C19orf25: variants seen among roughly 807,000 people sequenced by gnomAD.
C19orf25 encodes the protein UPF0449 protein C19orf25.
Under a neutral mutation model 3.1 loss-of-function variants are expected in C19orf25, and 1 was observed. That is an observed-to-expected ratio of 0.32 (90% CI 0.12 to 1.54). C19orf25 has a LOEUF of 1.54. Among genes scored for constraint, C19orf25 ranks in the 40% most tolerant of loss-of-function variants. C19orf25 has a pLI of 0.38. For synonymous variants in C19orf25, 91 were observed against 74.3 expected, an observed-to-expected ratio of 1.23 and a Z score of -1.16; for missense variants, 196 against 160.4, an observed-to-expected ratio of 1.22 and a Z score of -1.20.
chr19:1,475,296 AC>A (rs755617105), intron 2 of C19orf25, 38 bp from the exon 3 acceptor site: 2 of 1,508,664 alleles, frequency 1.3e-6, no homozygotes, highest in African/African-American at 1.4e-5. Flanking sequence ...CCTGCTGACC[AC>A]CCCATCCTCC....
chr19:1,478,060 C>T (rs1319516754), intron 2 of C19orf25, among the ~76,000 whole-genome samples: 1 of 151,642 alleles, frequency 6.6e-6, no homozygotes, highest in Non-Finnish European at 1.5e-5. Context: ...GGCTGGTGTC[C>T]AACCTCTGAC....
chr19:1,475,897 C>T (rs894751117), intron 2 of C19orf25: 8 of 290,354 alleles, frequency 2.8e-5, no homozygotes, highest in East Asian at 1.1e-4. Context: ...CTGCAAAAGC[C>T]GTGGCACCCA....
Position 1,475,108 on chromosome 19 carries a change from C to A in C19orf25, c.281G>T (p.Gly94Val). The A allele has an allele frequency of 6.2e-7, 1 of 1,604,948 alleles. No homozygotes were observed. Among genetic ancestry groups the A allele is most frequent in the Non-Finnish European group, 8.5e-7 (1 of 1,176,784 alleles). The change falls in exon 3 of 3, where the codon GGC becomes GTC. Residue 94 changes from glycine to valine, a missense_variant. Transcript: ENST00000585675. ...GGCCACCTCCCGCTCCAGGTCCTCGCCGGCTCGCTGCAGGAGCTCACACCT... is the reference window on the plus strand; with the variant it reads ...GGCCACCTCCCGCTCCAGGTCCTCGACGGCTCGCTGCAGGAGCTCACACCT... Reference protein sequence around the residue: ...RQRCELLQRAGEDLEREVAQM... With the variant: ...RQRCELLQRAVEDLEREVAQM...
In C19orf25 at chr19:1,478,781, G is replaced by C. The variant is rs778962714; in HGVS notation, c.123C>G (p.Ala41=). 6.3e-7 allele frequency: 1 copy of C among 1,574,906 alleles called. No homozygotes were observed. The highest frequency in any genetic ancestry group is 8.6e-7 in the Non-Finnish European group (1 of 1,160,964). Residue 41 remains alanine, a synonymous_variant, in exon 2 of 3, where the codon GCC becomes GCG. Coordinates refer to ENST00000585675, the MANE Select transcript of C19orf25 (RefSeq NM_152482.3). ...GGACCGGGCTCCCCCTACCTTCCGG[G>C]GCCAGGATGGTGAACACTGGATCCT... ...PAEDPVFTIL[A]PEDPPVPFRM...
At chr19:1,479,027 C>CCT in intron 1 of C19orf25, 122 bp from the exon 2 acceptor site, 1 of 1,401,222 alleles carries the variant, frequency 7.1e-7, no homozygotes, top group Non-Finnish European at 9.3e-7. Flanking sequence ...GAAGCCCGCC[C>CCT]TGTCCCGCCC....
intron 2 of C19orf25, chr19:1,475,705 A>C: frequency 5.8e-6 from 1 of 173,232 alleles, no homozygotes; most frequent in Non-Finnish European, 1.2e-5. Flanking sequence ...AAATAAAAAC[A>C]AAAATCAAGT....
chr19:1,476,070 C>T (rs924739003), intron 2 of C19orf25: 3 of 397,440 alleles, frequency 7.5e-6, no homozygotes, highest in East Asian at 3.6e-5. Context: ...TGGGCATTGA[C>T]GTCCTGGTGA....
At chr19:1,476,058 G>A in intron 2 of C19orf25, 1 of 397,270 alleles carries the variant, frequency 2.5e-6, no homozygotes, top group Non-Finnish European at 4.4e-6. Context: ...GAAGGTGAGA[G>A]GTGGGCATTG....
At chr19:1,477,078 C>A (rs979562930) in intron 2 of C19orf25, among the ~76,000 whole-genome samples, 7 of 151,416 alleles carry the variant, frequency 4.6e-5, no homozygotes, top group Non-Finnish European at 8.8e-5. Flanking sequence ...CAGCTCACTG[C>A]AACCTCCGCC....
Position 1,473,661 on chromosome 19 carries a change from A to G in C19orf25, c.*1371T>C, listed in dbSNP as rs562407278. 10 of 152,448 alleles carry G rather than the reference A, an allele frequency of 6.6e-5. No homozygotes were observed. Among genetic ancestry groups the G allele is most frequent in the Non-Finnish European group, 1.3e-4 (9 of 68,222 alleles). The allele number at this position is 152,448 out of a possible 1,614,324, so 9.4% of individuals were successfully genotyped here. ...GTCAATGGTGGACAGGGGCTGCGGG[A>G]GCTGGGACGGCCCCACGTCAAAGCC... On this transcript the variant is annotated 3_prime_UTR_variant, in exon 3 of 3. Transcript: ENST00000585675.
At position 1,479,168 on chromosome 19, in the gene C19orf25, C is replaced by G; in HGVS notation, c.-8G>C. 1 of 1,278,260 alleles carries G rather than the reference C, an allele frequency of 7.8e-7. No homozygotes were observed. Among genetic ancestry groups the G allele is most frequent in the African/African-American group, 1.6e-5 (1 of 64,382 alleles). The allele number at this position is 1,278,260 out of a possible 1,614,324, so 79.2% of individuals were successfully genotyped here. The stretch of plus-strand genomic sequence containing the variant: ...AGTCGCCGGCCTCTTCCCACCTGGG[C>G]GCGGGACCCGAAAGCCCAGCGTCGA... On this transcript the variant is annotated 5_prime_UTR_variant, in exon 1 of 3. Coordinates refer to ENST00000585675, the MANE Select transcript of C19orf25 (RefSeq NM_152482.3).
At chr19:1,478,738 C>T (rs768765979) in intron 2 of C19orf25, 36 bp downstream of exon 2, 1 of 1,543,062 alleles carries the variant, frequency 6.5e-7, no homozygotes, top group Non-Finnish European at 8.8e-7. Context: ...GCCGGGGTCT[C>T]AGGTCCGCTT....
At chr19:1,477,973 G>A (rs1012525879) in intron 2 of C19orf25, among the ~76,000 whole-genome samples, 2 of 152,114 alleles carry the variant, frequency 1.3e-5, no homozygotes, top group Admixed American at 6.5e-5. Flanking sequence ...CTGAGTGGCT[G>A]GGATTACAGG....
At chr19:1,478,619 G>A (rs751022681) in intron 2 of C19orf25, 155 bp downstream of exon 2, 6 of 1,428,014 alleles carry the variant, frequency 4.2e-6, no homozygotes, top group Non-Finnish European at 5.5e-6. Context: ...CCCACTCTAC[G>A]GAGGAGTAGA....
intron 2 of C19orf25, 183 bp from the exon 3 acceptor site, chr19:1,475,441 G>A (rs1360185261): frequency 1.6e-6 from 1 of 621,590 alleles, no homozygotes; most frequent in Non-Finnish European, 2.8e-6. Flanking sequence ...AGCACTTTGG[G>A]AGGCCGAGGC....
At chr19:1,476,373 C>A in intron 2 of C19orf25, 1 of 398,352 alleles carries the variant, frequency 2.5e-6, no homozygotes, top group Non-Finnish European at 4.4e-6. Context: ...CTGTGAGCGC[C>A]CCCCGTCCCC....
intron 2 of C19orf25, among the ~76,000 whole-genome samples, chr19:1,477,938 C>G (rs1377166780): frequency 6.6e-6 from 1 of 152,144 alleles, no homozygotes; most frequent in Non-Finnish European, 1.5e-5. Flanking sequence ...CTCCCAGGTT[C>G]AAGTGATTCT....
At chr19:1,478,544 G>C in intron 2 of C19orf25, 1 of 1,303,378 alleles carries the variant, frequency 7.7e-7, no homozygotes, top group Non-Finnish European at 9.9e-7. Context: ...AAAGTGCTGG[G>C]CTTACAGGCC....
chr19:1,479,095 C>A (rs1054031833), intron 1 of C19orf25, 68 bp downstream of exon 1: 6 of 1,363,088 alleles, frequency 4.4e-6, no homozygotes, highest in Non-Finnish European at 5.6e-6. Context: ...GTGGCCAAGG[C>A]TTCAGGGTCT....
Sources: allele counts gnomAD v4.1 joint callset (sites outside exome capture counted in the v4.1 genomes callset), GRCh38; gene constraint gnomAD v4.1.1; transcripts MANE v1.5; gene names NCBI Gene and HGNC (gene_info 2026-07-23, HGNC 2026-07-21).